ZNF99: variants seen among roughly 807,000 people sequenced by gnomAD.
ZNF99 encodes zinc finger protein 99.
A neutral mutation model predicts 12.8 loss-of-function variants in ZNF99; 8 were observed. That is an observed-to-expected ratio of 0.62 (90% confidence interval 0.37 to 1.13). The LOEUF is 1.13. Among genes scored for constraint, ZNF99 ranks in the 50% most tolerant of loss-of-function variants. ZNF99 has a pLI of 0.02. For missense variants in ZNF99, 1,007 were observed against 1,006.2 expected, an observed-to-expected ratio of 1.00 and a Z score of -0.01; for synonymous variants, 318 against 319.0, an observed-to-expected ratio of 1.00 and a Z score of 0.03.
chr19:22,760,095 C>T (rs1305967469), intron 3 of ZNF99, among the ~76,000 whole-genome samples: 1 of 152,052 alleles, frequency 6.6e-6, no homozygotes, highest in African/African-American at 2.4e-5. Flanking sequence ...ATCAAGGGTT[C>T]AAGACCAGCC....
Position 22,754,379 on chromosome 19 carries a change from A to AC in ZNF99, c.*2934_*2935insG. 2.4e-6 allele frequency: 1 copy of AC among 422,388 alleles called. No homozygotes were observed. The highest frequency in any genetic ancestry group is 2.1e-5 in the African/African-American group (1 of 47,856). The allele number at this position is 422,388 out of a possible 1,614,324, so 26.2% of individuals were successfully genotyped here. A position where few individuals can be genotyped will look rare whatever the true frequency, so the allele number is the denominator to read the frequency against. On this transcript the variant is annotated 3_prime_UTR_variant, in exon 4 of 4. Coordinates refer to ENST00000596209, the MANE Select transcript of ZNF99 (RefSeq NM_001080409.3). ...GAGACTCCATTTCAAAAAAAAAAAA[A>AC]AAACTTTGCCACATTCTTCACATTT...
At position 22,752,187 on chromosome 19, in the gene ZNF99, A is replaced by C. The variant is rs1296824468; in HGVS notation, c.*5127T>G. 1 of 151,874 alleles carries C rather than the reference A, an allele frequency of 6.6e-6. No homozygotes were observed. Among genetic ancestry groups the C allele is most frequent in the Non-Finnish European group, 1.5e-5 (1 of 67,982 alleles). 9.4% of individuals were successfully genotyped at this position (151,874 alleles called of 1,614,324 possible). A position where few individuals can be genotyped will look rare whatever the true frequency, so the allele number is the denominator to read the frequency against. On this transcript the variant is annotated 3_prime_UTR_variant, in exon 4 of 4. Coordinates refer to ENST00000596209, the MANE Select transcript of ZNF99 (RefSeq NM_001080409.3). ...AAAAAAATATTTACTCAGGACCCAG[A>C]TATGTATAGATTTTATTTACATTCC...
chr19:22,776,909 G>A (rs1476566555), intron 1 of ZNF99, among the ~76,000 whole-genome samples: 1 of 152,138 alleles, frequency 6.6e-6, no homozygotes, highest in East Asian at 1.9e-4. Context: ...ACTCTGGGAG[G>A]CTGAGGCAGG....
intron 1 of ZNF99, among the ~76,000 whole-genome samples, chr19:22,778,933 GGA>G (rs1290351934): frequency 6.6e-6 from 1 of 151,932 alleles, no homozygotes; most frequent in Non-Finnish European, 1.5e-5. Context: ...CTCCAACCCA[GGA>G]AGTGGAGGTT....
chr19:22,769,480 C>T (rs376766179), intron 1 of ZNF99, among the ~76,000 whole-genome samples, 156 bp from the exon 2 acceptor site: 8 of 151,876 alleles, frequency 5.3e-5, no homozygotes, highest in East Asian at 1.9e-4. Flanking sequence ...ACACAGAAAT[C>T]GTCTCGGCTG....
chr19:22,756,303 C>T lies in ZNF99; in HGVS notation c.*1011G>A, dbSNP rs1158011995. The T allele has an allele frequency of 1.3e-6, 2 of 1,570,066 alleles. No homozygotes were observed. The highest frequency in any genetic ancestry group is 4.6e-5 in the East Asian group (2 of 43,176). ...TCTTCACATTTGTAGGTTTTCCCTC[C>T]AGTATGAATTGTTTTATGTTGAGTA... On this transcript the variant is annotated 3_prime_UTR_variant, in exon 4 of 4. Coordinates refer to ENST00000596209, the MANE Select transcript of ZNF99 (RefSeq NM_001080409.3).
rs1568382810 is a variant in ZNF99 at position 22,757,952 on chromosome 19, C to A, written c.1957G>T (p.Glu653Ter). Residue 653 changes from glutamate to a stop codon, truncating the protein, a stop_gained, in exon 4 of 4, where the codon GAA becomes TAA. Coordinates refer to ENST00000596209, the MANE Select transcript of ZNF99 (RefSeq NM_001080409.3). LOFTEE classifies it low-confidence loss of function (END_TRUNC). ...GACCACTTAAAAGCTTTACCACATTCTTCACATTTGTAGGGTTTCTCTCCA... is the reference window on the plus strand; with the variant it reads ...GACCACTTAAAAGCTTTACCACATTATTCACATTTGTAGGGTTTCTCTCCA... Reference protein sequence around the residue: ...HTGEKPYKCEECGKAFKWSSH... With the variant: ...HTGEKPYKCE 3.7e-6 allele frequency: 6 copies of A among 1,613,036 alleles called. No homozygotes were observed. Among genetic ancestry groups the A allele is most frequent in the African/African-American group, 1.3e-5 (1 of 74,644 alleles).
chr19:22,763,356 C>A, intron 3 of ZNF99, among the ~76,000 whole-genome samples: 1 of 150,314 alleles, frequency 6.7e-6, no homozygotes. Context: ...AGCAGAGAGT[C>A]AAATCAAAAC....
intron 1 of ZNF99, among the ~76,000 whole-genome samples, chr19:22,777,372 C>T (rs996780604): frequency 5.3e-5 from 8 of 152,192 alleles, no homozygotes; most frequent in African/African-American, 1.9e-4. Context: ...GAACAACACA[C>T]ACCCTTCTAG....
At position 22,758,016 on chromosome 19, in the gene ZNF99, G is replaced by A. The variant is rs535391758; in HGVS notation, c.1893C>T (p.Ser631=). The A allele has an allele frequency of 3.5e-4, 558 of 1,610,920 alleles. 15 individuals are homozygous for A. The South Asian group carries it at 5.4e-3, about 15-fold the overall frequency. Residue 631 remains serine, a synonymous_variant, in exon 4 of 4, where the codon AGC becomes AGT. Transcript: ENST00000596209. ...YKCEECGKAF[S]QSSTLRKHEI... is the part of the protein sequence containing the mutation. ...CATGTTTTCTAAGGGTTGAGGACTGGCTAAAAGCTTTGCCACATTCTTCAC... is the reference window on the plus strand; with the variant it reads ...CATGTTTTCTAAGGGTTGAGGACTGACTAAAAGCTTTGCCACATTCTTCAC...
chr19:22,757,430 G>A lies in ZNF99; in HGVS notation c.2479C>T (p.Gln827Ter). The stretch of plus-strand genomic sequence containing the variant: ...TGTAAAGTAAGTTTTGAGGACCACT[G>A]AAAAGCTTTACCACATTCTTCACAT... ...YKCEECGKAFQWSSKLTLHKV... is the reference protein window; with the variant it reads ...YKCEECGKAF Residue 827 changes from glutamine to a stop codon, truncating the protein, a stop_gained, in exon 4 of 4, where the codon CAG becomes TAG. Coordinates refer to ENST00000596209, the MANE Select transcript of ZNF99 (RefSeq NM_001080409.3). LOFTEE classifies it low-confidence loss of function (END_TRUNC). The A allele has an allele frequency of 6.3e-7, 1 of 1,584,450 alleles. No homozygotes were observed. Among genetic ancestry groups the A allele is most frequent in the South Asian group, 1.1e-5 (1 of 89,628 alleles).
chr19:22,773,715 C>T (rs748514678), intron 1 of ZNF99: 2 of 152,232 alleles, frequency 1.3e-5, no homozygotes, highest in African/African-American at 2.4e-5. Flanking sequence ...ACTGGGGCTA[C>T]TCCTCTCCCG....
In ZNF99 at chr19:22,758,191, G is replaced by C. The variant is rs549448528; in HGVS notation, c.1718C>G (p.Ala573Gly). The change falls in exon 4 of 4, where the codon GCT (alanine) becomes GGT (glycine). Residue 573 changes from alanine to glycine, a missense_variant. Coordinates refer to ENST00000596209, the MANE Select transcript of ZNF99 (RefSeq NM_001080409.3). ...AGTAAGATGTGAAGATTGCTTAAAA[G>C]CTTTGCCACATTCTTCACATTTGTA... The part of the protein sequence containing the change: ...KPYKCEECGK[A>G]FKQSSHLTRH... The C allele has an allele frequency of 2.5e-6, 4 of 1,613,680 alleles. No individual in the cohort carries two copies. Among genetic ancestry groups the C allele is most frequent in the South Asian group, 1.1e-5 (1 of 91,038 alleles).
In ZNF99 at chr19:22,763,668, C is replaced by T. The variant is rs541755514; in HGVS notation, c.227-3986G>A. Among the ~76,000 whole-genome samples the T allele has an allele frequency of 3.9e-5, 6 of 152,080 alleles. No homozygotes were observed. In the South Asian group the frequency reaches 8.3e-4, roughly 21 times the overall value. The stretch of plus-strand genomic sequence containing the variant: ...TGGAACAAAAAAAGAGCCTGCATAG[C>T]CAAAGCAAGACTAAGCAAAAAGAAC... On this transcript the variant is annotated intron_variant, in intron 3 of 3. Coordinates refer to ENST00000596209, the MANE Select transcript of ZNF99 (RefSeq NM_001080409.3).
At chr19:22,766,083 T>C (rs931918745) in intron 3 of ZNF99, among the ~76,000 whole-genome samples, 2 of 151,810 alleles carry the variant, frequency 1.3e-5, no homozygotes, top group Admixed American at 6.6e-5. Flanking sequence ...TATAGAAATA[T>C]AGTTTTTGTA....
rs1973008427 is a variant in ZNF99 at position 22,754,007 on chromosome 19, T to C, written c.*3307A>G. 2.2e-6 allele frequency: 1 copy of C among 456,082 alleles called. No individual in the cohort carries two copies. The highest frequency in any genetic ancestry group is 1.5e-5 in the South Asian group (1 of 64,558). 28.3% of individuals were successfully genotyped at this position (456,082 alleles called of 1,614,324 possible). The stretch of plus-strand genomic sequence containing the variant: ...TAAGGTGTTCTCAAGAGCACTGTCA[T>C]GTCTTTTAGGTTTGTAGAGCTTCTC... On this transcript the variant is annotated 3_prime_UTR_variant, in exon 4 of 4. Transcript: ENST00000596209.
intron 1 of ZNF99, among the ~76,000 whole-genome samples, chr19:22,777,985 G>A (rs1223818100): frequency 7.5e-6 from 1 of 134,162 alleles, no homozygotes; most frequent in Non-Finnish European, 1.6e-5. Flanking sequence ...GACACAGGGT[G>A]GGGAACATCA....
Position 22,757,909 on chromosome 19 carries a change from T to C in ZNF99, c.2000A>G (p.His667Arg), listed in dbSNP as rs377236495. Reference sequence around the variant, plus strand: ...TTTCTCTTCAGTATGAATTACTTTATGTCTAGTAAGGTGTGAGGACCACTT... The same window carrying C: ...TTTCTCTTCAGTATGAATTACTTTACGTCTAGTAAGGTGTGAGGACCACTT... ...AFKWSSHLTR[H>R]KVIHTEEKPY... Residue 667 changes from histidine to arginine, a missense_variant, in exon 4 of 4, where the codon CAT becomes CGT. Coordinates refer to ENST00000596209, the MANE Select transcript of ZNF99 (RefSeq NM_001080409.3). 5.0e-6 allele frequency: 8 copies of C among 1,612,712 alleles called. No homozygotes were observed. The highest frequency in any genetic ancestry group is 4.0e-5 in the African/African-American group (3 of 74,836).
At chr19:22,779,296 C>T (rs1036053514) in intron 1 of ZNF99, among the ~76,000 whole-genome samples, 20 of 152,082 alleles carry the variant, frequency 1.3e-4, no homozygotes, top group African/African-American at 4.6e-4. Flanking sequence ...GAGGCTGAGG[C>T]AGGCGGATCA....
Sources: gnomAD v4.1 joint callset for allele counts (sites outside exome capture counted in the v4.1 genomes callset) on GRCh38, gnomAD v4.1.1 for gene constraint, MANE v1.5 for transcripts, NCBI Gene and HGNC (gene_info 2026-07-23, HGNC 2026-07-21) for gene names.